Variants in C14orf132 observed in about 807,000 individuals in gnomAD.
The protein encoded by C14orf132 is chromosome 14 open reading frame 132, also known as uncharacterized protein C14orf132.
A neutral mutation model predicts 5.8 loss-of-function variants in C14orf132; 6 were observed. The observed-to-expected ratio is 1.03, with a 90% CI of 0.57 to 2.04. The LOEUF (loss-of-function observed/expected upper bound fraction) is 2.04, where lower values mean the gene tolerates loss of function less well. Ranked by LOEUF, C14orf132 falls within the 30% of genes most tolerant of loss-of-function variation. The probability of loss-of-function intolerance (pLI) is 0.00; values close to 1 mark genes in which losing one functional copy is unlikely to be tolerated. For synonymous variants in C14orf132, 51 were observed against 49.8 expected, an observed-to-expected ratio of 1.02 and a Z score of -0.10; for missense variants, 125 against 115.8, an observed-to-expected ratio of 1.08 and a Z score of -0.37.
At chr14:96,040,206 G>A (rs1886653008) in intron 1 of C14orf132, 1 of 368,528 alleles carries the variant, frequency 2.7e-6, no homozygotes, top group African/African-American at 2.2e-5. Context: ...ATTTTCCTCC[G>A]GCAGAATGCC....
At chr14:96,079,581 G>T (rs1373897953) in intron 1 of C14orf132, among the ~76,000 whole-genome samples, 1 of 152,120 alleles carries the variant, frequency 6.6e-6, no homozygotes, top group African/African-American at 2.4e-5. Context: ...TGGTCTTCCT[G>T]GTGCAAGTGG....
At chr14:96,048,918 C>T (rs1886914352) in intron 1 of C14orf132, among the ~76,000 whole-genome samples, 1 of 152,164 alleles carries the variant, frequency 6.6e-6, no homozygotes, top group Non-Finnish European at 1.5e-5. Flanking sequence ...TTCTTGTTTG[C>T]TTCCAAGTTT....
At chr14:96,084,441 CA>C (rs1474659490) in intron 1 of C14orf132, among the ~76,000 whole-genome samples, 2 of 152,132 alleles carry the variant, frequency 1.3e-5, no homozygotes, top group Non-Finnish European at 2.9e-5. Context: ...ACAGGTTGGG[CA>C]AAGGCACCGA....
chr14:96,073,552 G>A (rs984108703), intron 1 of C14orf132, among the ~76,000 whole-genome samples: 12 of 152,232 alleles, frequency 7.9e-5, no homozygotes, highest in Non-Finnish European at 1.8e-4. Context: ...TGGAAAGTTT[G>A]TAAAGAAAAA....
At chr14:96,051,257 G>C (rs1887018208) in intron 1 of C14orf132, 1 of 398,514 alleles carries the variant, frequency 2.5e-6, no homozygotes, top group African/African-American at 2.1e-5. Flanking sequence ...GAGACATTGA[G>C]GGAGCCAGTC....
At chr14:96,048,950 A>G (rs1352032806) in intron 1 of C14orf132, among the ~76,000 whole-genome samples, 1 of 152,118 alleles carries the variant, frequency 6.6e-6, no homozygotes, top group East Asian at 1.9e-4. Context: ...TTTGAGATGG[A>G]GTCTCGCTCT....
At chr14:96,054,306 T>A (rs1355853189) in intron 1 of C14orf132, among the ~76,000 whole-genome samples, 1 of 152,134 alleles carries the variant, frequency 6.6e-6, no homozygotes, top group Non-Finnish European at 1.5e-5. Context: ...GCCGGGGAAA[T>A]CACGTCATGG....
chr14:96,053,457 A>G (rs1175665464), intron 1 of C14orf132, among the ~76,000 whole-genome samples: 1 of 152,230 alleles, frequency 6.6e-6, no homozygotes, highest in Non-Finnish European at 1.5e-5. Flanking sequence ...GGTGCCCAGT[A>G]CATGTTGACT....
In C14orf132 at chr14:96,090,681, C is replaced by G; in HGVS notation, c.*3946C>G. 2 of 456,038 alleles carry G rather than the reference C, an allele frequency of 4.4e-6. No homozygotes were observed. The highest frequency in any genetic ancestry group is 8.8e-6 in the Non-Finnish European group (2 of 226,792). The allele number at this position is 456,038 out of a possible 1,614,324, so 28.2% of individuals were successfully genotyped here. On this transcript the variant is annotated 3_prime_UTR_variant, in exon 2 of 2. Transcript: ENST00000555004. ...AATGATTCTCGCTCCTTTCAGATCC[C>G]CCAGGATCTGAGGGAGAAAGGATGG...
chr14:96,089,735 AG>A lies in C14orf132; in HGVS notation c.*3002del, dbSNP rs1242399148. ...AAGACTGAACTCAAGTCTCCTTGGA[AG>A]GCCCCGGTGAAGCTCCCAGAGACTG... On this transcript the variant is annotated 3_prime_UTR_variant, in exon 2 of 2. Coordinates refer to ENST00000555004, the MANE Select transcript of C14orf132 (RefSeq NM_001252507.3). 6.6e-5 allele frequency: 10 copies of A among 152,218 alleles called. No homozygotes were observed. The highest frequency in any genetic ancestry group is 1.5e-4 in the Non-Finnish European group (10 of 68,086). The allele number at this position is 152,218 out of a possible 1,614,324, so 9.4% of individuals were successfully genotyped here. A position where few individuals can be genotyped will look rare whatever the true frequency, so the allele number is the denominator to read the frequency against.
At chr14:96,081,190 A>G (rs1888022078) in intron 1 of C14orf132, among the ~76,000 whole-genome samples, 1 of 152,194 alleles carries the variant, frequency 6.6e-6, no homozygotes, top group South Asian at 2.1e-4. Flanking sequence ...GTACATGGTC[A>G]TATTATGCAT....
chr14:96,061,950 C>T (rs1214926576), intron 1 of C14orf132, among the ~76,000 whole-genome samples: 2 of 152,116 alleles, frequency 1.3e-5, no homozygotes, highest in East Asian at 3.8e-4. Context: ...AAACAAACAT[C>T]TCAACATAAT....
At chr14:96,070,982 T>C (rs1887692070) in intron 1 of C14orf132, among the ~76,000 whole-genome samples, 1 of 152,176 alleles carries the variant, frequency 6.6e-6, no homozygotes, top group African/African-American at 2.4e-5. Flanking sequence ...TCTGAGCCTT[T>C]GGTGATGTGC....
chr14:96,063,737 A>G (rs1887431617), intron 1 of C14orf132, among the ~76,000 whole-genome samples: 1 of 152,178 alleles, frequency 6.6e-6, no homozygotes, highest in Non-Finnish European at 1.5e-5. Flanking sequence ...TAATTATTCT[A>G]AAGAGCTTTT....
intron 1 of C14orf132, among the ~76,000 whole-genome samples, chr14:96,085,884 T>A (rs1378992798): frequency 1.3e-5 from 2 of 152,150 alleles, no homozygotes; most frequent in African/African-American, 4.8e-5. Flanking sequence ...ATTGTTAAAA[T>A]GGAATTTTGA....
intron 1 of C14orf132, among the ~76,000 whole-genome samples, chr14:96,076,598 A>T (rs1411434271): frequency 6.8e-6 from 1 of 147,590 alleles, no homozygotes; most frequent in Non-Finnish European, 1.5e-5. Context: ...ATACACTAAC[A>T]CTAATGATAG....
chr14:96,070,677 T>C (rs996357385), intron 1 of C14orf132, among the ~76,000 whole-genome samples: 1 of 151,632 alleles, frequency 6.6e-6, no homozygotes, highest in Admixed American at 6.6e-5. Flanking sequence ...GGACTAACCT[T>C]AGGCAAATCG....
chr14:96,072,684 T>G (rs1296950000), intron 1 of C14orf132, among the ~76,000 whole-genome samples: 1 of 152,202 alleles, frequency 6.6e-6, no homozygotes, highest in Non-Finnish European at 1.5e-5. Flanking sequence ...CACATCCCTG[T>G]CTCTGCTGTT....
At chr14:96,079,109 A>G (rs546095512) in intron 1 of C14orf132, among the ~76,000 whole-genome samples, 4 of 152,356 alleles carry the variant, frequency 2.6e-5, no homozygotes, top group Admixed American at 1.3e-4. Flanking sequence ...CAGCAGGTCC[A>G]GCTCTCTGCC....
Sources: allele counts gnomAD v4.1 joint callset (sites outside exome capture counted in the v4.1 genomes callset), GRCh38; gene constraint gnomAD v4.1.1; transcripts MANE v1.5; gene names NCBI Gene and HGNC (gene_info 2026-07-23, HGNC 2026-07-21).